The following NCK2 variants were observed in gnomAD, a reference collection of about 807,000 sequenced individuals.
The protein encoded by NCK2 is cytoplasmic protein NCK2.
In NCK2, 16 loss-of-function variants were observed where a neutral mutation model predicts 33.9. The ratio of observed to expected loss-of-function variants is 0.47; its 90% confidence interval spans 0.32 to 0.72. NCK2 has a LOEUF of 0.72. Among genes scored for constraint, NCK2 ranks in the 30% least tolerant of loss-of-function variants. NCK2 has a pLI of 0.03. For synonymous variants in NCK2, 273 were observed against 239.9 expected (o/e 1.14, Z -1.27); for missense variants, 418 against 537.3 (o/e 0.78, Z 2.19).
chr2:105,807,723 TTCCTTCTTTCC>T lies in NCK2; in HGVS notation c.-200-8705_-200-8695del, dbSNP rs1573615522. 7.4e-5 allele frequency among the ~76,000 whole-genome samples: 10 copies of T among 134,630 alleles called. No individual in the cohort carries two copies. In the South Asian group the frequency reaches 2.7e-3, roughly 37 times the overall value. 88.3% of individuals were successfully genotyped at this position (134,630 alleles called of 152,430 possible). A position where few individuals can be genotyped will look rare whatever the true frequency, so the allele number is the denominator to read the frequency against. On this transcript the variant is annotated intron_variant, in intron 1 of 4. Transcript: ENST00000233154. Reference sequence around the variant, plus strand: ...TTTTCTTTTTTCCTTCCTTCCTTCCTTCCTTCTTTCCTTCCTTCCTTCCTTCCCTCCCTCCC... The same window carrying T: ...TTTTCTTTTTTCCTTCCTTCCTTCCTTTCCTTCCTTCCTTCCCTCCCTCCC...
intron 1 of NCK2, among the ~76,000 whole-genome samples, chr2:105,811,629 A>C (rs1675296587): frequency 6.6e-6 from 1 of 152,180 alleles, no homozygotes; most frequent in South Asian, 2.1e-4. Context: ...TTTGGGTTGC[A>C]TGAAGGATGC....
At chr2:105,760,889 T>C (rs1689745581) in intron 1 of NCK2, among the ~76,000 whole-genome samples, 1 of 151,980 alleles carries the variant, frequency 6.6e-6, no homozygotes, top group South Asian at 2.1e-4. Context: ...AGTTTCTACA[T>C]GTGTCATGCC....
intron 1 of NCK2, among the ~76,000 whole-genome samples, chr2:105,770,461 C>T (rs976147640): frequency 3.3e-5 from 5 of 152,134 alleles, no homozygotes; most frequent in African/African-American, 9.7e-5. Flanking sequence ...CTAAGAAGGC[C>T]TGAAACTTAC....
At chr2:105,818,284 G>GGGGGGAC (rs1264161751) in intron 2 of NCK2, among the ~76,000 whole-genome samples, 2 of 4,028 alleles carry the variant, frequency 5.0e-4, no homozygotes, top group Non-Finnish European at 8.9e-4. Context: ...GTTTTGGGGT[G>GGGGGGAC]GGGGGAGGGG....
At chr2:105,880,243 A>T (rs2104655815) in intron 3 of NCK2, among the ~76,000 whole-genome samples, 1 of 152,322 alleles carries the variant, frequency 6.6e-6, no homozygotes, top group African/African-American at 2.4e-5. Context: ...ATTCCCTTAA[A>T]TTCAACACAT....
rs576396749 is a variant in NCK2, at chr2:105,801,402, A to C, written c.-200-15028A>C. On this transcript the variant is annotated intron_variant, in intron 1 of 4. Coordinates refer to ENST00000233154, the MANE Select transcript of NCK2 (RefSeq NM_003581.5). ...CATCGTGTGCACCAGCACGTGGTTG[A>C]GGGATGTGCTTTTTTCTTTTTTTTT... Among the ~76,000 whole-genome samples, 112 of 151,254 alleles carry C rather than the reference A, an allele frequency of 7.4e-4. 1 individual carries two copies. The highest frequency in any genetic ancestry group is 3.3e-3 in the Admixed American group (50 of 15,228).
intron 2 of NCK2, among the ~76,000 whole-genome samples, chr2:105,821,082 T>C (rs1165672497): frequency 1.3e-5 from 2 of 151,760 alleles, no homozygotes; most frequent in African/African-American, 4.9e-5. Flanking sequence ...TATCCAGTAA[T>C]ATTTATTTAA....
intron 2 of NCK2, among the ~76,000 whole-genome samples, chr2:105,827,862 C>G (rs1402232863): frequency 6.6e-6 from 1 of 152,084 alleles, no homozygotes; most frequent in Non-Finnish European, 1.5e-5. Flanking sequence ...AGAGAGATTT[C>G]TGTGATGATG....
chr2:105,889,592 T>A (rs1353326761), intron 4 of NCK2, among the ~76,000 whole-genome samples: 19 of 119,072 alleles, frequency 1.6e-4, no homozygotes, highest in Admixed American at 3.5e-4. Flanking sequence ...TTTTTTTTTT[T>A]AATTATTTTG....
intron 1 of NCK2, among the ~76,000 whole-genome samples, chr2:105,763,821 GGAA>G (rs1209374317): frequency 2.0e-5 from 3 of 152,200 alleles, no homozygotes; most frequent in Admixed American, 6.5e-5. Context: ...AAAATAATTT[GGAA>G]GAAGAATTGG....
At chr2:105,830,717 T>TGTGTGTGTGTGTGTGTG (rs1352679713) in intron 2 of NCK2, among the ~76,000 whole-genome samples, 11 of 97,706 alleles carry the variant, frequency 1.1e-4, no homozygotes, top group South Asian at 2.7e-4. Context: ...GTGTGTGTGT[T>TGTGTGTGTGTGTGTGTG]TGGTCTGATA....
At position 105,886,829 on chromosome 2, in the gene NCK2, C is replaced by T. The variant is rs191134593; in HGVS notation, c.948+4780C>T. On this transcript the variant is annotated intron_variant, in intron 4 of 4. Transcript: ENST00000233154. The stretch of plus-strand genomic sequence containing the variant: ...AACTGGAAAGTGGACAGGGAACGCT[C>T]CGTTTGCCTAGATTAGGTAGATGGG... 4.4e-3 allele frequency among the ~76,000 whole-genome samples: 663 copies of T among 152,302 alleles called. 5 individuals carry two copies. Among genetic ancestry groups the T allele is most frequent in the African/African-American group, 0.015 (622 of 41,558 alleles).
chr2:105,803,338 A>C (rs1239856046), intron 1 of NCK2, among the ~76,000 whole-genome samples: 1 of 152,138 alleles, frequency 6.6e-6, no homozygotes, highest in Admixed American at 6.5e-5. Context: ...ATAAATAGGC[A>C]CTGCTATGTA....
intron 4 of NCK2, among the ~76,000 whole-genome samples, chr2:105,884,528 G>A (rs1678641687): frequency 6.6e-6 from 1 of 152,192 alleles, no homozygotes; most frequent in South Asian, 2.1e-4. Flanking sequence ...GATAAGCACA[G>A]CTGTTTTTTT....
chr2:105,765,299 C>T (rs148247719), intron 1 of NCK2, among the ~76,000 whole-genome samples: 11 of 152,246 alleles, frequency 7.2e-5, no homozygotes, highest in South Asian at 2.1e-4. Context: ...AACAAATTGA[C>T]GAGAATTTGT....
chr2:105,764,046 C>A (rs1183655010), intron 1 of NCK2, among the ~76,000 whole-genome samples: 10 of 152,262 alleles, frequency 6.6e-5, no homozygotes, highest in Admixed American at 1.3e-4. Context: ...ACGAGGCTGC[C>A]CTCAGCCCCG....
At chr2:105,746,814 G>A (rs977672900) in intron 1 of NCK2, among the ~76,000 whole-genome samples, 1 of 152,332 alleles carries the variant, frequency 6.6e-6, no homozygotes, top group East Asian at 1.9e-4. Flanking sequence ...GATTGGAGAA[G>A]GTGGCGGAAT....
chr2:105,878,060 C>A (rs1678309187), intron 3 of NCK2, among the ~76,000 whole-genome samples: 2 of 152,246 alleles, frequency 1.3e-5, no homozygotes. Flanking sequence ...GTGTCAAAGT[C>A]TGGCAGGCAG....
intron 1 of NCK2, among the ~76,000 whole-genome samples, chr2:105,795,553 G>T (rs1285081101): frequency 6.6e-6 from 1 of 152,132 alleles, no homozygotes; most frequent in Non-Finnish European, 1.5e-5. Flanking sequence ...TAACAAACTT[G>T]GTCTATTTAG....
Sources: allele counts gnomAD v4.1 joint callset (sites outside exome capture counted in the v4.1 genomes callset), GRCh38; gene constraint gnomAD v4.1.1; transcripts MANE v1.5; gene names NCBI Gene and HGNC (gene_info 2026-07-23, HGNC 2026-07-21).